GMDS: variants seen among roughly 807,000 people sequenced by gnomAD.
GMDS encodes GDP-mannose 4,6-dehydratase.
In GMDS, 20 loss-of-function variants were observed where a neutral mutation model predicts 49.9. The observed-to-expected ratio is 0.40, with a 90% CI of 0.28 to 0.58. GMDS has a LOEUF of 0.58. Ranked by LOEUF, GMDS falls within the 20% of genes least tolerant of loss-of-function variation. The pLI is 0.42. For missense variants in GMDS, 362 were observed against 481.4 expected, an observed-to-expected ratio of 0.75 and a Z score of 2.32; for synonymous variants, 177 against 178.6, an observed-to-expected ratio of 0.99 and a Z score of 0.07.
At chr6:1,687,877 C>T (rs923294970) in intron 9 of GMDS, among the ~76,000 whole-genome samples, 3 of 151,704 alleles carry the variant, frequency 2.0e-5, no homozygotes, top group East Asian at 1.9e-4. Context: ...GAGGTTGGGG[C>T]GGGGCAGGTC....
chr6:1,701,879 A>G (rs190078500), intron 9 of GMDS, among the ~76,000 whole-genome samples: 53 of 152,358 alleles, frequency 3.5e-4, no homozygotes, highest in African/African-American at 1.2e-3. Context: ...GGAATGAAAC[A>G]TGTTCTGATT....
chr6:2,044,278 C>T (rs576770941), intron 4 of GMDS, among the ~76,000 whole-genome samples: 1 of 152,252 alleles, frequency 6.6e-6, no homozygotes, highest in South Asian at 2.1e-4. Context: ...TTCACTGCAG[C>T]ACTATTCGCA....
intron 4 of GMDS, among the ~76,000 whole-genome samples, chr6:2,016,543 T>G (rs1767911914): frequency 2.0e-5 from 3 of 152,162 alleles, no homozygotes; most frequent in Admixed American, 2.0e-4. Context: ...TTGCTGAAAC[T>G]AGAGAACAGG....
chr6:1,738,685 C>G (rs1767142793), intron 8 of GMDS, among the ~76,000 whole-genome samples: 1 of 131,826 alleles, frequency 7.6e-6, no homozygotes, highest in African/African-American at 2.5e-5. Flanking sequence ...AGAAAGCTTT[C>G]TAGCTTAATT....
At chr6:2,126,666 G>A (rs766871364) in intron 1 of GMDS, among the ~76,000 whole-genome samples, 6 of 151,974 alleles carry the variant, frequency 3.9e-5, no homozygotes, top group South Asian at 2.1e-4. Context: ...ATGGAGTCTC[G>A]CTCTTTCACC....
At chr6:2,089,803 G>C (rs1773216572) in intron 4 of GMDS, among the ~76,000 whole-genome samples, 1 of 152,172 alleles carries the variant, frequency 6.6e-6, no homozygotes, top group South Asian at 2.1e-4. Context: ...TTGGATTACA[G>C]TATGCTTGAG....
intron 7 of GMDS, among the ~76,000 whole-genome samples, chr6:1,771,517 T>C (rs183354411): frequency 6.6e-6 from 1 of 152,192 alleles, no homozygotes; most frequent in Non-Finnish European, 1.5e-5. Flanking sequence ...AGTGAGTCAA[T>C]ACAATGGTGG....
At chr6:2,177,883 C>T (rs189223581) in intron 1 of GMDS, among the ~76,000 whole-genome samples, 5 of 152,232 alleles carry the variant, frequency 3.3e-5, no homozygotes, top group African/African-American at 7.2e-5. Context: ...ATAGAATCAA[C>T]GCAGGTGCTC....
intron 4 of GMDS, among the ~76,000 whole-genome samples, chr6:1,968,538 T>C (rs1386981632): frequency 6.6e-6 from 1 of 152,148 alleles, no homozygotes; most frequent in Non-Finnish European, 1.5e-5. Flanking sequence ...GTTTACAGTG[T>C]TCCAATTCCT....
chr6:2,219,179 G>A (rs543769374), intron 1 of GMDS, among the ~76,000 whole-genome samples: 14 of 152,256 alleles, frequency 9.2e-5, no homozygotes, highest in African/African-American at 2.9e-4. Flanking sequence ...GGCATAGGAC[G>A]ACTCACCTGA....
Position 1,742,558 on chromosome 6 carries a change from TC to T in GMDS, c.799del (p.Glu267SerfsTer7). On this transcript the variant is annotated frameshift_variant, in exon 8 of 11. Transcript: ENST00000380815. LOFTEE classifies it high-confidence loss of function. ...AGTAGCTATAACGAAGTCCTCCGGC[TC>T]ATCATTCTGCAACATCAACCACATA... ...EAMWLMLQND[E>X]PEDFVIATGE... 1 of 1,609,656 alleles carries T rather than the reference TC, an allele frequency of 6.2e-7. No homozygotes were observed.
At chr6:2,048,698 T>A (rs1255809095) in intron 4 of GMDS, among the ~76,000 whole-genome samples, 1 of 152,230 alleles carries the variant, frequency 6.6e-6, no homozygotes, top group Non-Finnish European at 1.5e-5. Context: ...TTCTATAATT[T>A]CCTCTCAATA....
chr6:1,687,444 A>G (rs563473518), intron 9 of GMDS, among the ~76,000 whole-genome samples: 1 of 152,342 alleles, frequency 6.6e-6, no homozygotes, highest in East Asian at 1.9e-4. Flanking sequence ...AGCTGCATTC[A>G]GGCCCCAGGT....
chr6:1,988,622 T>C (rs1765716998), intron 4 of GMDS, among the ~76,000 whole-genome samples: 1 of 152,186 alleles, frequency 6.6e-6, no homozygotes, highest in South Asian at 2.1e-4. Context: ...CCATGTCCTG[T>C]GTATTTAACA....
rs571158667 is a variant in GMDS at position 1,943,421 on chromosome 6, A to C, written c.644-13191T>G. Among the ~76,000 whole-genome samples, 646 of 152,340 alleles carry C rather than the reference A, an allele frequency of 4.2e-3. 5 individuals carry two copies. Among genetic ancestry groups the C allele is most frequent in the African/African-American group, 0.015 (620 of 41,580 alleles). On this transcript the variant is annotated intron_variant, in intron 6 of 10. Coordinates refer to ENST00000380815, the MANE Select transcript of GMDS (RefSeq NM_001500.4). ...AACTGTGAGCTTCTTAAAGACAAGC[A>C]TTCTATTCTGTCTCTCTAGTGTCTC...
intron 4 of GMDS, among the ~76,000 whole-genome samples, chr6:2,005,377 T>C (rs970593552): frequency 2.0e-5 from 3 of 152,138 alleles, no homozygotes; most frequent in African/African-American, 4.8e-5. Flanking sequence ...CAGGAAACAA[T>C]TGCCGCTTTA....
At chr6:1,909,817 A>G (rs1760959325) in intron 7 of GMDS, among the ~76,000 whole-genome samples, 2 of 151,466 alleles carry the variant, frequency 1.3e-5, no homozygotes, top group South Asian at 4.1e-4. Flanking sequence ...ATCCATCAAG[A>G]TGGCATCACA....
At position 1,735,769 on chromosome 6, in the gene GMDS, G is replaced by A. The variant is rs117328380; in HGVS notation, c.890+6699C>T. ...TGCAAACATAACTCCAATCATGATT[G>A]TGAGGCTATTACTTCAGTATCAATA... On this transcript the variant is annotated intron_variant, in intron 8 of 10. Transcript: ENST00000380815. Among the ~76,000 whole-genome samples the A allele has an allele frequency of 1.0e-3, 155 of 152,296 alleles. No homozygotes were observed. In the East Asian group the frequency reaches 0.016, roughly 16 times the overall value.
chr6:1,811,170 C>A (rs1458638636), intron 7 of GMDS, among the ~76,000 whole-genome samples: 1 of 152,138 alleles, frequency 6.6e-6, no homozygotes. Flanking sequence ...GCTGAGTAAA[C>A]GCTCATATAT....
Sources: gnomAD v4.1 joint callset for allele counts (sites outside exome capture counted in the v4.1 genomes callset) on GRCh38, gnomAD v4.1.1 for gene constraint, MANE v1.5 for transcripts, NCBI Gene and HGNC (gene_info 2026-07-23, HGNC 2026-07-21) for gene names.